NTNG1: variants seen among roughly 807,000 people sequenced by gnomAD.
The protein encoded by NTNG1 is netrin G1, also known as netrin-G1.
A neutral mutation model predicts 54.0 loss-of-function variants in NTNG1; 16 were observed. The ratio of observed to expected loss-of-function variants is 0.30; its 90% CI spans 0.20 to 0.45. The LOEUF (loss-of-function observed/expected upper bound fraction) is 0.45. Ranked by LOEUF, NTNG1 falls within the 20% of genes least tolerant of loss-of-function variation. The pLI is 1.00. For synonymous variants in NTNG1, 255 were observed against 263.1 expected (o/e 0.97, Z 0.30); for missense variants, 530 against 678.7 (o/e 0.78, Z 2.43).
At chr1:107,237,411 G>A (rs1661485922) in intron 2 of NTNG1, among the ~76,000 whole-genome samples, 1 of 152,160 alleles carries the variant, frequency 6.6e-6, no homozygotes. Context: ...GCCTGACAAT[G>A]CAATAGAAAA....
chr1:107,418,175 A>T (rs1248365060), intron 5 of NTNG1, among the ~76,000 whole-genome samples: 1 of 152,070 alleles, frequency 6.6e-6, no homozygotes, highest in Non-Finnish European at 1.5e-5. Flanking sequence ...GAATGCAACC[A>T]GTTCATATCT....
At chr1:107,392,882 T>G (rs1672453254) in intron 3 of NTNG1, among the ~76,000 whole-genome samples, 1 of 151,846 alleles carries the variant, frequency 6.6e-6, no homozygotes, top group South Asian at 2.1e-4. Flanking sequence ...ATCAGAAGAG[T>G]AGAACTCAGG....
chr1:107,242,555 T>G (rs1308617947), intron 2 of NTNG1, among the ~76,000 whole-genome samples: 2 of 152,138 alleles, frequency 1.3e-5, no homozygotes, highest in African/African-American at 2.4e-5. Flanking sequence ...ATGTGTTAGG[T>G]AAAACAGCAA....
rs74654692 is a variant in NTNG1 at position 107,390,551 on chromosome 1, G to A, written c.888-4603G>A. ...CATAGCGTCTCCTTTCTCCAATGTA[G>A]TGTAAGTTATGAAAACCAACAATTA... On this transcript the variant is annotated intron_variant, in intron 3 of 7. Transcript: ENST00000370068. 6.8e-4 allele frequency among the ~76,000 whole-genome samples: 103 copies of A among 152,262 alleles called. 2 individuals carry two copies. The highest frequency in any genetic ancestry group is 4.6e-3 in the Admixed American group (71 of 15,280).
chr1:107,147,486 C>T (rs959622304), intron 1 of NTNG1, among the ~76,000 whole-genome samples: 22 of 151,796 alleles, frequency 1.4e-4, no homozygotes, highest in African/African-American at 5.3e-4. Context: ...AGAGAGCCAA[C>T]TTATCTTTAT....
intron 2 of NTNG1, among the ~76,000 whole-genome samples, chr1:107,296,669 A>G (rs1665959775): frequency 6.8e-6 from 1 of 146,288 alleles, no homozygotes; most frequent in South Asian, 2.1e-4. Context: ...TATATATAAC[A>G]TATATTTATA....
rs199789100 is a variant in NTNG1 at position 107,290,963 on chromosome 1, T to TATTA, written c.247-33319_247-33318insATTA. Among the ~76,000 whole-genome samples the TATTA allele has an allele frequency of 5.6e-5, 8 of 142,530 alleles. No individual in the cohort carries two copies. The South Asian group carries it at 1.1e-3, about 20-fold the overall frequency. 93.5% of individuals were successfully genotyped at this position (142,530 alleles called of 152,430 possible). A position where few individuals can be genotyped will look rare whatever the true frequency, so the allele number is the denominator to read the frequency against. On this transcript the variant is annotated intron_variant, in intron 2 of 7. Coordinates refer to ENST00000370068, the MANE Select transcript of NTNG1 (RefSeq NM_001113226.3). The stretch of plus-strand genomic sequence containing the variant: ...ATATTTTAAAGTGCATATATATATA[T>TATTA]TATATATATATATATATATATACAC...
In NTNG1 at chr1:107,424,991, G is replaced by T. The variant is rs190091060; in HGVS notation, c.1088-5759G>T. On this transcript the variant is annotated intron_variant, in intron 5 of 7. Coordinates refer to ENST00000370068, the MANE Select transcript of NTNG1 (RefSeq NM_001113226.3). ...CAAAAGAGAGAAAAAAGCAATGATG[G>T]GTAAGGAAGAAGAAGAATCAAGAGA... 2.6e-4 allele frequency among the ~76,000 whole-genome samples: 39 copies of T among 152,102 alleles called. 1 individual carries two copies. In the East Asian group the frequency reaches 6.8e-3, roughly 26 times the overall value.
chr1:107,212,819 C>T (rs1024492233), intron 2 of NTNG1, among the ~76,000 whole-genome samples: 1 of 151,996 alleles, frequency 6.6e-6, no homozygotes, highest in Admixed American at 6.6e-5. Context: ...AGGAAACTAT[C>T]GCGTATTGAG....
intron 2 of NTNG1, among the ~76,000 whole-genome samples, chr1:107,244,598 A>G (rs529066600): frequency 3.3e-5 from 5 of 152,226 alleles, no homozygotes; most frequent in South Asian, 4.2e-4. Flanking sequence ...ATGGTCCATT[A>G]TTTCAGTAAT....
At chr1:107,191,028 T>C (rs1190030958) in intron 2 of NTNG1, among the ~76,000 whole-genome samples, 4 of 152,210 alleles carry the variant, frequency 2.6e-5, no homozygotes, top group African/African-American at 7.2e-5. Context: ...GTTGAACTAG[T>C]TTACAGTCCC....
chr1:107,155,839 G>C (rs1365050635), intron 2 of NTNG1, among the ~76,000 whole-genome samples: 1 of 152,066 alleles, frequency 6.6e-6, no homozygotes, highest in Non-Finnish European at 1.5e-5. Flanking sequence ...ATACTACAGA[G>C]GTCTCATGAG....
chr1:107,437,207 C>A (rs1388103642), intron 7 of NTNG1, among the ~76,000 whole-genome samples: 9 of 152,196 alleles, frequency 5.9e-5, no homozygotes, highest in Non-Finnish European at 8.8e-5. Context: ...ATCTACATAA[C>A]TTATTACTAC....
intron 2 of NTNG1, among the ~76,000 whole-genome samples, chr1:107,154,869 C>T (rs1450558500): frequency 2.0e-5 from 3 of 151,794 alleles, no homozygotes; most frequent in Non-Finnish European, 4.4e-5. Flanking sequence ...GGCTTATCTA[C>T]CTGGAACTCC....
intron 3 of NTNG1, among the ~76,000 whole-genome samples, chr1:107,363,665 A>G (rs951984741): frequency 1.3e-5 from 2 of 152,026 alleles, no homozygotes; most frequent in Non-Finnish European, 2.9e-5. Flanking sequence ...CTCTCTTGCC[A>G]GTTATATAAA....
chr1:107,151,042 G>A (rs1296628646), intron 2 of NTNG1, among the ~76,000 whole-genome samples: 1 of 152,196 alleles, frequency 6.6e-6, no homozygotes, highest in Admixed American at 6.5e-5. Context: ...CCTGGTGGAT[G>A]TAAACTTGTC....
intron 2 of NTNG1, among the ~76,000 whole-genome samples, chr1:107,222,772 G>T (rs1660426300): frequency 6.6e-6 from 1 of 150,464 alleles, no homozygotes; most frequent in African/African-American, 2.5e-5. Context: ...TCAGGCCTGA[G>T]CCTAGAGAAA....
intron 3 of NTNG1, among the ~76,000 whole-genome samples, chr1:107,378,226 C>G (rs761073790): frequency 1.3e-5 from 2 of 152,192 alleles, no homozygotes; most frequent in African/African-American, 4.8e-5. Context: ...TGAGGAACTC[C>G]TGGGTCAGCA....
intron 2 of NTNG1, among the ~76,000 whole-genome samples, chr1:107,170,427 A>C (rs938581695): frequency 1.3e-5 from 2 of 152,128 alleles, no homozygotes; most frequent in Non-Finnish European, 2.9e-5. Flanking sequence ...TGGATGATAT[A>C]CTAGGTTAAG....
Sources: gnomAD v4.1 joint callset for allele counts (sites outside exome capture counted in the v4.1 genomes callset) on GRCh38, gnomAD v4.1.1 for gene constraint, MANE v1.5 for transcripts, NCBI Gene and HGNC (gene_info 2026-07-23, HGNC 2026-07-21) for gene names.